Variants in GRM7 observed in about 807,000 individuals in gnomAD.
GRM7 encodes the protein glutamate metabotropic receptor 7, also known as metabotropic glutamate receptor 7.
In GRM7, 35 loss-of-function variants were observed where a neutral mutation model predicts 84.5. The observed-to-expected ratio is 0.41, with a 90% CI of 0.32 to 0.55. The LOEUF (loss-of-function observed/expected upper bound fraction) is 0.55, where lower values mean the gene tolerates loss of function less well. Among genes scored for constraint, GRM7 ranks in the 20% least tolerant of loss-of-function variants. The pLI, the probability that GRM7 is intolerant of heterozygous loss-of-function variation, is 0.19. For missense variants in GRM7, 1,003 were observed against 1,194.6 expected, an observed-to-expected ratio of 0.84 and a Z score of 2.36; for synonymous variants, 487 against 455.1, an observed-to-expected ratio of 1.07 and a Z score of -0.89.
chr3:7,687,961 C>T (rs1182403611), intron 9 of GRM7, among the ~76,000 whole-genome samples: 2 of 152,030 alleles, frequency 1.3e-5, no homozygotes, highest in Admixed American at 1.3e-4. Context: ...GCCATTCTTT[C>T]TCCCAGTGAA....
At position 7,665,302 on chromosome 3, in the gene GRM7, G is replaced by C. The variant is rs1699646369; in HGVS notation, c.2452-14747G>C. 2.0e-5 allele frequency among the ~76,000 whole-genome samples: 3 copies of C among 151,428 alleles called. No individual in the cohort carries two copies. The South Asian group carries it at 6.3e-4, about 32-fold the overall frequency. ...TTCTCCTGCCTCAGCCTCCCGAGTA[G>C]CTGGGACTACAGGTGCCCGCCACCG... On this transcript the variant is annotated intron_variant, in intron 8 of 9. Coordinates refer to ENST00000357716, the MANE Select transcript of GRM7 (RefSeq NM_000844.4).
intron 1 of GRM7, among the ~76,000 whole-genome samples, chr3:7,096,206 G>T (rs1698854037): frequency 1.3e-5 from 2 of 152,064 alleles, no homozygotes; most frequent in South Asian, 4.1e-4. Context: ...GACACCAGCT[G>T]GGTGTATGGC....
intron 1 of GRM7, among the ~76,000 whole-genome samples, chr3:6,872,440 G>T (rs936216859): frequency 1.3e-5 from 2 of 152,028 alleles, no homozygotes; most frequent in Non-Finnish European, 2.9e-5. Context: ...TGGAGTGCAA[G>T]GATGGCTTAC....
chr3:7,402,581 A>G (rs1033050207), intron 4 of GRM7, among the ~76,000 whole-genome samples: 1 of 152,188 alleles, frequency 6.6e-6, no homozygotes, highest in Non-Finnish European at 1.5e-5. Flanking sequence ...AACATACATC[A>G]AAATAGCATG....
rs183088695 is a variant in GRM7, at chr3:7,084,827, T to C, written c.520-61625T>C. Among the ~76,000 whole-genome samples, 60 of 152,248 alleles carry C rather than the reference T, an allele frequency of 3.9e-4. 1 individual carries two copies. Among genetic ancestry groups the C allele is most frequent in the Admixed American group, 3.7e-3 (57 of 15,278 alleles). ...AGGACCTGTAGAGATTAAAGAACTA[T>C]TTAGGACAGCATTTAAAAAATTAGC... On this transcript the variant is annotated intron_variant, in intron 1 of 9. Transcript: ENST00000357716.
At chr3:7,538,089 T>A (rs1285245090) in intron 7 of GRM7, among the ~76,000 whole-genome samples, 3 of 152,128 alleles carry the variant, frequency 2.0e-5, no homozygotes, top group Admixed American at 6.6e-5. Context: ...CTGCCTAGGT[T>A]GTTACTGCAT....
chr3:7,101,864 T>G (rs6764411), intron 1 of GRM7, among the ~76,000 whole-genome samples: 70,616 of 149,084 alleles, frequency 0.47, 18,028 homozygotes, highest in African/African-American at 0.68. Context: ...CATTTTAGTG[T>G]TGCTTCCAAA....
chr3:6,950,027 T>A (rs180940348), intron 1 of GRM7, among the ~76,000 whole-genome samples: 1 of 152,208 alleles, frequency 6.6e-6, no homozygotes, highest in Non-Finnish European at 1.5e-5. Flanking sequence ...CGGAGTAGTT[T>A]GATCTTCTGA....
At chr3:7,737,247 T>A (rs1407052937) in intron 9 of GRM7, among the ~76,000 whole-genome samples, 1 of 152,172 alleles carries the variant, frequency 6.6e-6, no homozygotes, top group African/African-American at 2.4e-5. Flanking sequence ...GTATTAATAA[T>A]TCATTTCATA....
intron 1 of GRM7, among the ~76,000 whole-genome samples, chr3:6,988,199 T>C (rs1259118653): frequency 5.3e-5 from 7 of 131,266 alleles, no homozygotes; most frequent in Non-Finnish European, 1.1e-4. Flanking sequence ...TTAGTAGAGA[T>C]GGGGTTTCAC....
At chr3:7,203,863 A>G (rs557012244) in intron 2 of GRM7, among the ~76,000 whole-genome samples, 1 of 152,296 alleles carries the variant, frequency 6.6e-6, no homozygotes, top group East Asian at 1.9e-4. Flanking sequence ...ACAAATTTAG[A>G]TATTTGATGT....
chr3:7,592,178 T>A (rs1695816672), intron 8 of GRM7, among the ~76,000 whole-genome samples: 1 of 152,082 alleles, frequency 6.6e-6, no homozygotes, highest in African/African-American at 2.4e-5. Flanking sequence ...GATAAATTCC[T>A]GAGTCTGCAT....
intron 7 of GRM7, among the ~76,000 whole-genome samples, chr3:7,473,530 G>GAGAGAGAGAGAGAGAGAGAA (rs1395000102): frequency 7.1e-6 from 1 of 141,332 alleles, no homozygotes; most frequent in Admixed American, 7.1e-5. Context: ...GAGAGAGAGA[G>GAGAGAGAGAGAGAGAGAGAA]AAACACCTTG....
Position 7,740,534 on chromosome 3 carries a change from T to A in GRM7, c.*128T>A. 1 of 540,976 alleles carries A rather than the reference T, an allele frequency of 1.8e-6. No individual in the cohort carries two copies. The highest frequency in any genetic ancestry group is 3.3e-6 in the Non-Finnish European group (1 of 304,920). The allele number at this position is 540,976 out of a possible 1,614,324, so 33.5% of individuals were successfully genotyped here. A position where few individuals can be genotyped will look rare whatever the true frequency, so the allele number is the denominator to read the frequency against. Reference sequence around the variant, plus strand: ...GGAGCTTCCCCGGCCGGGAGACCAGTGTTAGAGGATCCAAGCGACCTAAAC... The same window carrying A: ...GGAGCTTCCCCGGCCGGGAGACCAGAGTTAGAGGATCCAAGCGACCTAAAC... On this transcript the variant is annotated 3_prime_UTR_variant, in exon 10 of 10. Transcript: ENST00000357716.
intron 4 of GRM7, among the ~76,000 whole-genome samples, chr3:7,397,916 C>T (rs2125152885): frequency 6.6e-6 from 1 of 152,112 alleles, no homozygotes; most frequent in Non-Finnish European, 1.5e-5. Context: ...GTTAATAGTG[C>T]TGAGGTTGAG....
intron 2 of GRM7, among the ~76,000 whole-genome samples, chr3:7,159,376 C>T (rs1450569587): frequency 6.6e-6 from 1 of 152,172 alleles, no homozygotes; most frequent in Non-Finnish European, 1.5e-5. Context: ...GGACTAAGTT[C>T]ATCAGATAGG....
chr3:6,869,577 A>G (rs1171148782), intron 1 of GRM7, among the ~76,000 whole-genome samples: 1 of 125,770 alleles, frequency 8.0e-6, no homozygotes, highest in Non-Finnish European at 1.8e-5. Context: ...ACATCTATCT[A>G]TCTGTCTATC....
rs1695132951 is a variant in GRM7 at position 7,176,001 on chromosome 3, C to A, written c.736+29333C>A. Among the ~76,000 whole-genome samples, 2 of 152,110 alleles carry A rather than the reference C, an allele frequency of 1.3e-5. 1 individual carries two copies. Among genetic ancestry groups the A allele is most frequent in the African/African-American group, 4.8e-5 (2 of 41,500 alleles). On this transcript the variant is annotated intron_variant, in intron 2 of 9. Transcript: ENST00000357716. ...TGTAAATGTTAAAGAGCTCATACCA[C>A]CTGCATCGTTACATACAATAGTTTC...
At chr3:7,716,563 A>G (rs1398449045) in intron 9 of GRM7, among the ~76,000 whole-genome samples, 1 of 152,218 alleles carries the variant, frequency 6.6e-6, no homozygotes, top group Non-Finnish European at 1.5e-5. Context: ...TGGACAAAAC[A>G]GTGACTGAGT....
Sources: allele counts gnomAD v4.1 joint callset (sites outside exome capture counted in the v4.1 genomes callset), GRCh38; gene constraint gnomAD v4.1.1; transcripts MANE v1.5; gene names NCBI Gene and HGNC (gene_info 2026-07-23, HGNC 2026-07-21).